The following FBN3 variants were observed in gnomAD, a reference collection of about 807,000 sequenced individuals.
FBN3 encodes the protein fibrillin 3.
Under a neutral mutation model 330.1 loss-of-function variants are expected in FBN3, and 234 were observed. That is an observed-to-expected ratio of 0.71 (90% CI 0.64 to 0.79). The LOEUF (loss-of-function observed/expected upper bound fraction) is 0.79. FBN3 is among the 30% of genes least tolerant of loss of function. The probability of loss-of-function intolerance (pLI) is 0.00; values close to 1 mark genes in which losing one functional copy is unlikely to be tolerated. For missense variants in FBN3, 3,606 were observed against 3,886.9 expected (o/e 0.93, Z 1.92); for synonymous variants, 1,458 against 1,517.3 (o/e 0.96, Z 0.91).
At chr19:8,102,592 G>A in intron 40 of FBN3, 132 bp downstream of exon 40, 3 of 856,448 alleles carry the variant, frequency 3.5e-6, no homozygotes, top group Non-Finnish European at 3.7e-6. Context: ...CTAATAGAGG[G>A]ACAAAACTTC....
chr19:8,136,037 A>G lies in FBN3; in HGVS notation c.1515T>C (p.Cys505=). The change falls in exon 13 of 64, where the codon TGT becomes TGC. Residue 505 remains cysteine, a synonymous_variant. Transcript: ENST00000600128. ...ACTGGAAGCTGCCCTCTGTGTTGAC[A>G]CAGCGGCCCAGGTGACAAAGGCCAC... is the stretch of plus-strand genomic sequence containing the variant. ...VSGGLCHLGR[C]VNTEGSFQCV... 1 of 1,602,896 alleles carries G rather than the reference A, an allele frequency of 6.2e-7. No homozygotes were observed. The highest frequency in any genetic ancestry group is 8.5e-7 in the Non-Finnish European group (1 of 1,174,578).
At chr19:8,146,736 A>G (rs889140166) in intron 3 of FBN3, among the ~76,000 whole-genome samples, 1 of 152,034 alleles carries the variant, frequency 6.6e-6, no homozygotes, top group Non-Finnish European at 1.5e-5. Flanking sequence ...GGAGGCTGAG[A>G]TGGGAAAATC....
intron 56 of FBN3, among the ~76,000 whole-genome samples, chr19:8,084,395 G>A (rs940319249): frequency 2.0e-5 from 3 of 151,918 alleles, no homozygotes; most frequent in Admixed American, 6.6e-5. Flanking sequence ...CACTGGGCCG[G>A]GCGCGGTGGC....
chr19:8,130,659 G>GAAAA (rs2083121374), intron 16 of FBN3, among the ~76,000 whole-genome samples: 1 of 37,256 alleles, frequency 2.7e-5, no homozygotes, highest in Non-Finnish European at 4.6e-5. Flanking sequence ...GGAAAGGAAA[G>GAAAA]GAAAAGAAAA....
rs760124220 is a variant in FBN3, at chr19:8,094,541, G to A, written c.5810C>T (p.Ala1937Val). ...GCAAGTGCCGGGTAGGCAGGTTCCTGCAAGGCTGAGGCACTCATTGGTGTC... is the reference window on the plus strand; with the variant it reads ...GCAAGTGCCGGGTAGGCAGGTTCCTACAAGGCTGAGGCACTCATTGGTGTC... ...CVDTNECLSL[A>V]GTCLPGTCQN... Residue 1937 changes from alanine to valine, a missense_variant, in exon 47 of 64, where the codon GCA becomes GTA. Transcript: ENST00000600128. The A allele has an allele frequency of 8.1e-6, 13 of 1,613,778 alleles. No homozygotes were observed. The highest frequency in any genetic ancestry group is 1.7e-6 in the Non-Finnish European group (2 of 1,179,840).
At chr19:8,119,068 G>T in intron 25 of FBN3, 46 bp from the exon 26 acceptor site, 1 of 1,563,392 alleles carries the variant, frequency 6.4e-7, no homozygotes, top group Non-Finnish European at 8.7e-7. Context: ...AGGTGCTGAT[G>T]CAGGGAGGGG....
intron 2 of FBN3, 62 bp downstream of exon 2, chr19:8,147,252 C>T (rs2145075786): frequency 5.1e-6 from 8 of 1,561,492 alleles, no homozygotes; most frequent in Non-Finnish European, 6.9e-6. Context: ...GGGTATTCCG[C>T]TGGCCCCAGG....
At chr19:8,127,070 T>G (rs1359252026) in intron 18 of FBN3, among the ~76,000 whole-genome samples, 1 of 149,058 alleles carries the variant, frequency 6.7e-6, no homozygotes, top group Admixed American at 6.7e-5. Context: ...TTTTTTTTTT[T>G]TTTTTGAGAC....
rs1297257585 is a variant in FBN3 at position 8,146,239 on chromosome 19, G to A, written c.251-14C>T. On this transcript the variant is annotated splice_polypyrimidine_tract_variant and intron_variant, in intron 3 of 63. Transcript: ENST00000600128. ...GCCTACAGATGGCTGGATGAGTGCA[G>A]CGGGTGGCAGTCAAGACCAGGACCG... 28 of 1,576,782 alleles carry A rather than the reference G, an allele frequency of 1.8e-5. No homozygotes were observed. The highest frequency in any genetic ancestry group is 2.3e-5 in the Non-Finnish European group (27 of 1,162,178).
chr19:8,135,926 G>A (rs761344354), intron 13 of FBN3, 35 bp downstream of exon 13: 21 of 1,124,652 alleles, frequency 1.9e-5, no homozygotes, highest in African/African-American at 6.4e-5. Context: ...AGTGGGGCCC[G>A]GAAGCCCCTG....
chr19:8,078,508 G>A (rs1472986237), intron 59 of FBN3, among the ~76,000 whole-genome samples: 1 of 152,020 alleles, frequency 6.6e-6, no homozygotes, highest in Non-Finnish European at 1.5e-5. Context: ...GTGTGACCTT[G>A]CTCCACGGAT....
At chr19:8,084,878 GTGCCCGGCCTATTTTTATTGCTTTT>G in intron 56 of FBN3, among the ~76,000 whole-genome samples, 1 of 151,392 alleles carries the variant, frequency 6.6e-6, no homozygotes, top group South Asian at 2.1e-4. Flanking sequence ...GTGAGCCACT[GTGCCCGGCCTATTTTTATTGCTTTT>G]GGAGACGAGG....
At chr19:8,134,298 C>T (rs2083227344) in intron 13 of FBN3, among the ~76,000 whole-genome samples, 1 of 151,954 alleles carries the variant, frequency 6.6e-6, no homozygotes, top group Non-Finnish European at 1.5e-5. Context: ...CAAAAATATG[C>T]ACATGAGCAT....
chr19:8,146,849 G>A (rs1317586092), intron 3 of FBN3, among the ~76,000 whole-genome samples: 1 of 138,748 alleles, frequency 7.2e-6, no homozygotes, highest in East Asian at 2.0e-4. Flanking sequence ...GACATGAGCA[G>A]AGATGAATAG....
chr19:8,077,811 C>T (rs1052327346), intron 59 of FBN3, among the ~76,000 whole-genome samples: 3 of 150,476 alleles, frequency 2.0e-5, no homozygotes, highest in Non-Finnish European at 3.0e-5. Flanking sequence ...AGCCAGGCAC[C>T]GTGGCCTGCA....
At chr19:8,097,197 GC>G (rs2082229389) in intron 42 of FBN3, 91 bp downstream of exon 42, 1 of 1,511,524 alleles carries the variant, frequency 6.6e-7, no homozygotes, top group East Asian at 2.4e-5. Flanking sequence ...GGAAATGGAG[GC>G]TTACAGAGTT....
rs1415215669 is a variant in FBN3 at position 8,115,388 on chromosome 19, C to T, written c.3838+127G>A. On this transcript the variant is annotated intron_variant, in intron 30 of 63. Transcript: ENST00000600128. The stretch of plus-strand genomic sequence containing the variant: ...TCTGTTCTTGCTTTAACACAAGAAG[C>T]CATCCGTGGAAATCTATGAGAATGA... The T allele has an allele frequency of 6.5e-6, 8 of 1,227,972 alleles. No individual in the cohort carries two copies. The African/African-American group carries it at 7.5e-5, about 12-fold the overall frequency. The allele number at this position is 1,227,972 out of a possible 1,614,324, so 76.1% of individuals were successfully genotyped here. A position where few individuals can be genotyped will look rare whatever the true frequency, so the allele number is the denominator to read the frequency against.
chr19:8,138,198 G>T lies in FBN3; in HGVS notation c.1144C>A (p.Pro382Thr). 1 of 1,613,066 alleles carries T rather than the reference G, an allele frequency of 6.2e-7. No homozygotes were observed. The highest frequency in any genetic ancestry group is 1.3e-5 in the African/African-American group (1 of 75,028). Residue 382 changes from proline to threonine, a missense_variant, in exon 10 of 64, where the codon CCC becomes ACC. Transcript: ENST00000600128. Reference sequence around the variant, plus strand: ...ATCCCACGCGCATCAGAGCCATGGGGGTTGAGTCGCGCTGGCCCAAGAGGG... The same window carrying T: ...ATCCCACGCGCATCAGAGCCATGGGTGTTGAGTCGCGCTGGCCCAAGAGGG... ...GPPLGPARLN[P>T]HGSDARGIPS...
intron 57 of FBN3, 46 bp from the exon 58 acceptor site, chr19:8,081,526 T>A: frequency 1.3e-6 from 2 of 1,538,004 alleles, no homozygotes; most frequent in Non-Finnish European, 8.7e-7. Context: ...AGACAGACAT[T>A]CCCTGGGGGT....
Sources: gnomAD v4.1 joint callset for allele counts (sites outside exome capture counted in the v4.1 genomes callset) on GRCh38, gnomAD v4.1.1 for gene constraint, MANE v1.5 for transcripts, NCBI Gene and HGNC (gene_info 2026-07-23, HGNC 2026-07-21) for gene names.